Variants in PUM1 observed in about 807,000 individuals in gnomAD.
The protein encoded by PUM1 is pumilio RNA binding family member 1.
A neutral mutation model predicts 131.8 loss-of-function variants in PUM1; 13 were observed. That is an observed-to-expected ratio of 0.10 (90% confidence interval 0.06 to 0.16). The LOEUF (loss-of-function observed/expected upper bound fraction) is 0.16, where lower values mean the gene tolerates loss of function less well. PUM1 is among the 10% of genes least tolerant of loss of function. The pLI, the probability that PUM1 is intolerant of heterozygous loss-of-function variation, is 1.00. For synonymous variants in PUM1, 509 were observed against 556.5 expected (o/e 0.91, Z 1.20); for missense variants, 961 against 1,512.4 (o/e 0.64, Z 6.05).
At position 30,968,506 on chromosome 1, in the gene PUM1, A is replaced by G; in HGVS notation, c.1507-14T>C. 6.3e-7 allele frequency: 1 copy of G among 1,588,734 alleles called. No individual in the cohort carries two copies. Among genetic ancestry groups the G allele is most frequent in the Non-Finnish European group, 8.5e-7 (1 of 1,173,512 alleles). On this transcript the variant is annotated splice_polypyrimidine_tract_variant and intron_variant, in intron 10 of 21. Coordinates refer to ENST00000426105, the MANE Select transcript of PUM1 (RefSeq NM_001020658.2). ...TCCACGGAGAACCTGGGAAAGGAAG[A>G]CAGAAATAACTCAACCACTTTCTTT...
intron 14 of PUM1, among the ~76,000 whole-genome samples, chr1:30,957,824 C>T (rs1159357554): frequency 2.0e-5 from 3 of 152,190 alleles, no homozygotes; most frequent in Non-Finnish European, 4.4e-5. Flanking sequence ...GTGTTTAATA[C>T]AACCAGAAGC....
intron 16 of PUM1, among the ~76,000 whole-genome samples, chr1:30,951,687 C>A (rs571008463): frequency 3.9e-5 from 6 of 152,324 alleles, no homozygotes; most frequent in Admixed American, 1.3e-4. Flanking sequence ...CAATCTCATT[C>A]TTTCCAAAGA....
intron 17 of PUM1, 44 bp downstream of exon 17, chr1:30,950,083 G>A (rs1376138242): frequency 1.3e-6 from 2 of 1,591,884 alleles, no homozygotes; most frequent in South Asian, 2.3e-5. Flanking sequence ...ATGTACCATG[G>A]AGAAACATCA....
intron 2 of PUM1, among the ~76,000 whole-genome samples, chr1:31,033,730 C>T (rs1643516034): frequency 6.6e-6 from 1 of 152,038 alleles, no homozygotes; most frequent in South Asian, 2.1e-4. Context: ...GGCGCAATCA[C>T]AGCTCACTAC....
At chr1:30,986,463 A>G (rs1484001935) in intron 7 of PUM1, among the ~76,000 whole-genome samples, 1 of 152,172 alleles carries the variant, frequency 6.6e-6, no homozygotes, top group Non-Finnish European at 1.5e-5. Flanking sequence ...AGCCCAGTTT[A>G]TACCAGGTTA....
At chr1:31,006,159 A>G (rs2124509363) in intron 4 of PUM1, 128 bp from the exon 5 acceptor site, 2 of 638,884 alleles carry the variant, frequency 3.1e-6, no homozygotes, top group East Asian at 5.6e-5. Context: ...ACCTCCTATC[A>G]TGTCCCTCAC....
In PUM1 at chr1:30,968,606, T is replaced by C. The variant is rs150028252; in HGVS notation, c.1507-114A>G. On this transcript the variant is annotated intron_variant, in intron 10 of 21. Transcript: ENST00000426105. ...TTAATTGTAAATTGTTTCCCTATAA[T>C]GGTTTTTATATGTCACAGCTGTTAG... The C allele has an allele frequency of 2.3e-3, 2,498 of 1,103,816 alleles. 5 individuals are homozygous for C. The highest frequency in any genetic ancestry group is 5.0e-3 in the Admixed American group (153 of 30,424). The allele number at this position is 1,103,816 out of a possible 1,614,324, so 68.4% of individuals were successfully genotyped here.
chr1:31,007,956 T>C (rs1316956228), intron 3 of PUM1, among the ~76,000 whole-genome samples: 1 of 152,226 alleles, frequency 6.6e-6, no homozygotes, highest in East Asian at 1.9e-4. Context: ...GTTCTGGTCA[T>C]CAGCTTTACT....
At chr1:30,962,039 C>T (rs1251758967) in intron 14 of PUM1, among the ~76,000 whole-genome samples, 1 of 152,188 alleles carries the variant, frequency 6.6e-6, no homozygotes, top group African/African-American at 2.4e-5. Flanking sequence ...TAGCACACCT[C>T]TACTTTCTCG....
At chr1:30,960,768 C>A (rs1640371325) in intron 14 of PUM1, among the ~76,000 whole-genome samples, 1 of 151,972 alleles carries the variant, frequency 6.6e-6, no homozygotes, top group African/African-American at 2.4e-5. Flanking sequence ...AAAAGATGAA[C>A]CCTGACCTGA....
chr1:31,021,260 G>A (rs1381975487), intron 3 of PUM1, among the ~76,000 whole-genome samples: 1 of 152,128 alleles, frequency 6.6e-6, no homozygotes, highest in Admixed American at 6.5e-5. Flanking sequence ...CTGAATATAT[G>A]CTTTCAGTTT....
rs183390451 is a variant in PUM1 at position 30,966,837 on chromosome 1, T to C, written c.1789+330A>G. On this transcript the variant is annotated intron_variant, in intron 12 of 21. Coordinates refer to ENST00000426105, the MANE Select transcript of PUM1 (RefSeq NM_001020658.2). ...CTGTGGCAAAAAACAACCCCTCCTC[T>C]AAAATTATCTTAAAATAATGACTTG... 6.6e-3 allele frequency among the ~76,000 whole-genome samples: 1,000 copies of C among 152,012 alleles called. 2 individuals carry two copies. The highest frequency in any genetic ancestry group is 0.014 in the Middle Eastern group (4 of 294).
At chr1:31,002,816 T>C (rs886112148) in intron 5 of PUM1, among the ~76,000 whole-genome samples, 1 of 152,208 alleles carries the variant, frequency 6.6e-6, no homozygotes, top group Admixed American at 6.5e-5. Flanking sequence ...AGATTCTTCT[T>C]GTTAGCCAGA....
intron 3 of PUM1, among the ~76,000 whole-genome samples, chr1:31,021,508 A>T (rs1259439423): frequency 6.6e-6 from 1 of 152,222 alleles, no homozygotes; most frequent in Non-Finnish European, 1.5e-5. Context: ...TACAAAGCAC[A>T]TTATTAGCTG....
At chr1:30,956,924 T>TC (rs1640188811) in intron 14 of PUM1, among the ~76,000 whole-genome samples, 1 of 150,926 alleles carries the variant, frequency 6.6e-6, no homozygotes, top group Non-Finnish European at 1.5e-5. Context: ...TGTTGGATGT[T>TC]CTGTTATTAT....
chr1:31,059,606 A>G, intron 1 of PUM1, 29 bp from the exon 2 acceptor site: 2 of 1,539,982 alleles, frequency 1.3e-6, no homozygotes, highest in Non-Finnish European at 8.7e-7. Flanking sequence ...CAAATATTTA[A>G]TATTTCCATC....
At chr1:30,968,614 A>G (rs1336783814) in intron 10 of PUM1, 122 bp from the exon 11 acceptor site, 4 of 953,842 alleles carry the variant, frequency 4.2e-6, no homozygotes, top group Middle Eastern at 2.5e-4. Flanking sequence ...AATGGTTTTT[A>G]TATGTCACAG....
intron 13 of PUM1, among the ~76,000 whole-genome samples, chr1:30,965,733 A>G (rs1640592229): frequency 6.6e-6 from 1 of 152,180 alleles, no homozygotes; most frequent in Admixed American, 6.5e-5. Context: ...TACAGCAAAA[A>G]TCTTCCCTAG....
chr1:30,963,342 CCT>C (rs1261317335), intron 14 of PUM1, among the ~76,000 whole-genome samples: 1 of 152,178 alleles, frequency 6.6e-6, no homozygotes, highest in Non-Finnish European at 1.5e-5. Flanking sequence ...ACCCCATCCC[CCT>C]GTCTACCTAT....
Sources: gnomAD v4.1 joint callset for allele counts (sites outside exome capture counted in the v4.1 genomes callset) on GRCh38, gnomAD v4.1.1 for gene constraint, MANE v1.5 for transcripts, NCBI Gene and HGNC (gene_info 2026-07-23, HGNC 2026-07-21) for gene names.